Variants in CYP3A5 observed in about 807,000 individuals in gnomAD.
CYP3A5 encodes the protein cytochrome P450 family 3 subfamily A member 5.
A neutral mutation model predicts 55.9 loss-of-function variants in CYP3A5; 51 were observed. That is an observed-to-expected ratio of 0.91 (90% CI 0.73 to 1.15). The LOEUF (loss-of-function observed/expected upper bound fraction) is 1.15. CYP3A5 is among the 50% of genes most tolerant of loss of function. CYP3A5 has a pLI of 0.00. For missense variants in CYP3A5, 533 were observed against 596.6 expected, an observed-to-expected ratio of 0.89 and a Z score of 1.11; for synonymous variants, 196 against 213.9, an observed-to-expected ratio of 0.92 and a Z score of 0.73.
At chr7:99,651,136 G>C (rs546817400) in intron 11 of CYP3A5, among the ~76,000 whole-genome samples, 1 of 152,122 alleles carries the variant, frequency 6.6e-6, no homozygotes. Flanking sequence ...TTTGGATGGG[G>C]CAGCTAACAT....
chr7:99,648,664 GTT>G (rs4646455), intron 12 of CYP3A5, among the ~76,000 whole-genome samples: 9 of 141,426 alleles, frequency 6.4e-5, no homozygotes, highest in African/African-American at 2.3e-4. Flanking sequence ...GTGGACTCGT[GTT>G]TTTTTTTTTT....
rs777240450 is a variant in CYP3A5 at position 99,653,188 on chromosome 7, T to C, written c.1027-409A>G. 1.4e-4 allele frequency among the ~76,000 whole-genome samples: 21 copies of C among 152,164 alleles called. No homozygotes were observed. The highest frequency in any genetic ancestry group is 2.9e-4 in the Non-Finnish European group (20 of 68,042). ...AGAAAAACAGGGAAAAGAGCAAATA[T>C]CCTCTTCACACAAGGATTATTGGTT... On this transcript the variant is annotated intron_variant, in intron 10 of 12. Transcript: ENST00000222982. The surrounding 1 kb of genome is among the most constrained non-coding windows in gnomAD (Gnocchi z 4.2).
chr7:99,660,650 T>G lies in CYP3A5; in HGVS notation c.875A>C (p.Asp292Ala). Reference protein sequence around the residue: ...KETESHKALSDLELAAQSIIF... With the variant: ...KETESHKALSALELAAQSIIF... The stretch of plus-strand genomic sequence containing the variant: ...TATTGACTGGGCTGCGAGCTCCAGA[T>G]CAGACAGAGCTGAAAGGAGAGGAAA... The change falls in exon 10 of 13, where the codon GAT (aspartate) becomes GCT (alanine). Residue 292 changes from aspartate to alanine, a missense_variant. By Grantham distance (126) the Asp-to-Ala change is moderately radical (BLOSUM62 -2). Coordinates refer to ENST00000222982, the MANE Select transcript of CYP3A5 (RefSeq NM_000777.5). The G allele has an allele frequency of 6.2e-7, 1 of 1,613,784 alleles. No homozygotes were observed. The highest frequency in any genetic ancestry group is 8.5e-7 in the Non-Finnish European group (1 of 1,179,832).
At chr7:99,651,378 A>G (rs893942756) in intron 11 of CYP3A5, among the ~76,000 whole-genome samples, 1 of 152,210 alleles carries the variant, frequency 6.6e-6, no homozygotes, top group South Asian at 2.1e-4. Context: ...TTCCTGACAC[A>G]TGGCAAGCAC....
At chr7:99,668,216 A>G (rs910159431) in intron 4 of CYP3A5, among the ~76,000 whole-genome samples, 3 of 152,254 alleles carry the variant, frequency 2.0e-5, no homozygotes, top group African/African-American at 7.2e-5. Context: ...TCTGGTGTAA[A>G]TCTAACAAAA....
chr7:99,670,503 A>G (rs1481372004), intron 4 of CYP3A5, among the ~76,000 whole-genome samples: 2 of 152,234 alleles, frequency 1.3e-5, no homozygotes, highest in African/African-American at 4.8e-5. Flanking sequence ...GATTTCTGAA[A>G]AAATCATCAA....
rs1431404870 is a variant in CYP3A5 at position 99,667,067 on chromosome 7, T to C, written c.319-2A>G. ...CATAAATCCCACTGGGCCTAAAGACTAGAGTTCAACAGAAACATTTTTTCT... is the reference window on the plus strand; with the variant it reads ...CATAAATCCCACTGGGCCTAAAGACCAGAGTTCAACAGAAACATTTTTTCT... On this transcript the variant is annotated splice_acceptor_variant, in intron 4 of 12. Transcript: ENST00000222982. LOFTEE classifies it high-confidence loss of function. 6.2e-7 allele frequency: 1 copy of C among 1,611,558 alleles called. No homozygotes were observed. The highest frequency in any genetic ancestry group is 1.3e-5 in the African/African-American group (1 of 74,832).
intron 12 of CYP3A5, 123 bp downstream of exon 12, chr7:99,649,950 A>G: frequency 1.6e-6 from 2 of 1,243,950 alleles, no homozygotes; most frequent in East Asian, 5.1e-5. Flanking sequence ...TCAAAGATGG[A>G]TCCAAGTAGG....
intron 10 of CYP3A5, among the ~76,000 whole-genome samples, chr7:99,655,725 T>C (rs1464921418): frequency 6.6e-6 from 1 of 152,220 alleles, no homozygotes; most frequent in Non-Finnish European, 1.5e-5. Context: ...GGAATGTTGT[T>C]CCATTTGTTT....
At chr7:99,672,042 T>TTTGTTG (rs573372567) in intron 4 of CYP3A5, among the ~76,000 whole-genome samples, 37 of 151,842 alleles carry the variant, frequency 2.4e-4, no homozygotes, top group East Asian at 9.6e-4. Flanking sequence ...TTTGCCGGTT[T>TTTGTTG]TTGTTGTTGT....
At chr7:99,660,797 T>C (rs1810362382) in intron 9 of CYP3A5, 138 bp from the exon 10 acceptor site, 2 of 1,007,236 alleles carry the variant, frequency 2.0e-6, no homozygotes, top group East Asian at 5.5e-5. Flanking sequence ...GGAGTGGTTT[T>C]CATTCTGATA....
At chr7:99,661,207 G>T (rs1463885097) in intron 9 of CYP3A5, among the ~76,000 whole-genome samples, 1 of 152,180 alleles carries the variant, frequency 6.6e-6, no homozygotes, top group East Asian at 1.9e-4. Context: ...CTCAAAGTGT[G>T]TTTCATGGAC....
At chr7:99,658,469 TTG>T (rs2151387443) in intron 10 of CYP3A5, among the ~76,000 whole-genome samples, 1 of 152,058 alleles carries the variant, frequency 6.6e-6, no homozygotes, top group East Asian at 1.9e-4. Context: ...TCTGATGGGT[TTG>T]TGTTTGTGGG....
intron 4 of CYP3A5, chr7:99,671,321 G>A (rs1383547358): frequency 6.6e-6 from 1 of 152,518 alleles, no homozygotes; most frequent in Non-Finnish European, 1.5e-5. Flanking sequence ...CAAGGGACAA[G>A]AAAAGCTAAA....
Position 99,662,578 on chromosome 7 carries a change from C to CT in CYP3A5, c.865+237dup, listed in dbSNP as rs773415685. ...TCTCATGTAGGTGATCCACAAACCA[C>CT]TGACTGTCCTCCAAGCATTCTAGGT... On this transcript the variant is annotated intron_variant, in intron 9 of 12. Coordinates refer to ENST00000222982, the MANE Select transcript of CYP3A5 (RefSeq NM_000777.5). The surrounding 1 kb of genome is among the most constrained non-coding windows in gnomAD (Gnocchi z 4.3). Among the ~76,000 whole-genome samples the CT allele has an allele frequency of 6.6e-6, 1 of 152,200 alleles. No individual in the cohort carries two copies. The highest frequency in any genetic ancestry group is 1.5e-5 in the Non-Finnish European group (1 of 68,040).
At position 99,660,546 on chromosome 7, in the gene CYP3A5, C is replaced by T. The variant is rs1486270570; in HGVS notation, c.979G>A (p.Val327Ile). ...ATCTCCTTTTGCAGTTTCTGCTGGA[C>T]ATCAGGGTGAGTGGCCAGTTCATAT... is the stretch of plus-strand genomic sequence containing the variant. ...TLYELATHPD[V>I]QQKLQKEIDA... is the part of the protein sequence containing the mutation. Residue 327 changes from valine to isoleucine, a missense_variant, in exon 10 of 13, where the codon GTC becomes ATC. Val to Ile is a conservative substitution (Grantham distance 29). Coordinates refer to ENST00000222982, the MANE Select transcript of CYP3A5 (RefSeq NM_000777.5). 6.2e-7 allele frequency: 1 copy of T among 1,613,814 alleles called. No homozygotes were observed. Among genetic ancestry groups the T allele is most frequent in the East Asian group, 2.2e-5 (1 of 44,864 alleles).
chr7:99,661,613 C>G (rs1026954331), intron 9 of CYP3A5, among the ~76,000 whole-genome samples: 4 of 152,208 alleles, frequency 2.6e-5, no homozygotes, highest in African/African-American at 9.7e-5. Flanking sequence ...CTTTAGAGAC[C>G]TGGAGCACAG....
intron 2 of CYP3A5, among the ~76,000 whole-genome samples, chr7:99,675,635 TCCTCTCCTCC>T (rs1812162141): frequency 5.7e-5 from 1 of 17,690 alleles, no homozygotes; most frequent in Non-Finnish European, 1.3e-4. Flanking sequence ...TTCTCTCCTC[TCCTCTCCTCC>T]CCCCTCCCCT....
chr7:99,655,302 G>A (rs1258102167), intron 10 of CYP3A5, among the ~76,000 whole-genome samples: 2 of 152,172 alleles, frequency 1.3e-5, no homozygotes, highest in Non-Finnish European at 2.9e-5. Flanking sequence ...TATATGGCTA[G>A]CCAGTTTTCC....
Sources: gnomAD v4.1 joint callset for allele counts (sites outside exome capture counted in the v4.1 genomes callset) on GRCh38, gnomAD v4.1.1 for gene constraint, Gnocchi (gnomAD v3.1) non-coding constraint, MANE v1.5 for transcripts, NCBI Gene and HGNC (gene_info 2026-07-23, HGNC 2026-07-21) for gene names.